The following NEK10 variants were observed in gnomAD, a reference collection of about 807,000 sequenced individuals.
The protein encoded by NEK10 is serine/threonine-protein kinase Nek10.
NEK10 carries 122 observed loss-of-function variants against 159.8 expected under a neutral mutation model. The ratio of observed to expected loss-of-function variants is 0.76; its 90% CI spans 0.66 to 0.89. NEK10 has a LOEUF of 0.89. NEK10 is among the 40% of genes least tolerant of loss of function. The pLI, the probability that NEK10 is intolerant of heterozygous loss-of-function variation, is 0.00. For missense variants in NEK10, 1,342 were observed against 1,323.1 expected, an observed-to-expected ratio of 1.01 and a Z score of -0.22; for synonymous variants, 466 against 457.1, an observed-to-expected ratio of 1.02 and a Z score of -0.25.
intron 32 of NEK10, among the ~76,000 whole-genome samples, chr3:27,130,702 A>T (rs940135854): frequency 2.0e-5 from 3 of 152,224 alleles, no homozygotes; most frequent in African/African-American, 7.2e-5. Context: ...TAATAAGAAT[A>T]AAAAACCAAG....
At position 27,202,432 on chromosome 3, in the gene NEK10, G is replaced by C; in HGVS notation, c.2216C>G (p.Thr739Arg). 6.2e-7 allele frequency: 1 copy of C among 1,607,080 alleles called. No homozygotes were observed. Among genetic ancestry groups the C allele is most frequent in the Non-Finnish European group, 8.5e-7 (1 of 1,175,958 alleles). Residue 739 changes from threonine (T) to arginine (R), a missense_variant, in exon 24 of 36, where the codon ACA becomes AGA. Thr to Arg is a moderately conservative substitution (Grantham distance 71, BLOSUM62 -1). Transcript: ENST00000691995. ...FYSTNMLSLA[T>R]KIVEAVYEPV... ...CTGTCTCCCAGCGTTGCTTACTTTT[G>C]TAGCCAAGGACAGCATGTTAGTGCT...
At chr3:27,203,380 C>T (rs1452070453) in intron 23 of NEK10, among the ~76,000 whole-genome samples, 1 of 152,074 alleles carries the variant, frequency 6.6e-6, no homozygotes, top group African/African-American at 2.4e-5. Flanking sequence ...CAATATCTAC[C>T]ATGTTCACTG....
At chr3:27,120,421 C>G (rs1396735744) in intron 32 of NEK10, among the ~76,000 whole-genome samples, 1 of 151,604 alleles carries the variant, frequency 6.6e-6, no homozygotes, top group Admixed American at 6.6e-5. Flanking sequence ...CCTCCATGCT[C>G]AAGGGATTCT....
intron 6 of NEK10, among the ~76,000 whole-genome samples, 187 bp downstream of exon 6, chr3:27,321,990 G>T (rs944946344): frequency 1.3e-5 from 2 of 152,100 alleles, no homozygotes; most frequent in Non-Finnish European, 2.9e-5. Flanking sequence ...CAAATTTTTG[G>T]TCCCCATTAA....
intron 32 of NEK10, among the ~76,000 whole-genome samples, chr3:27,125,759 T>C (rs1159755671): frequency 6.6e-6 from 1 of 152,092 alleles, no homozygotes; most frequent in African/African-American, 2.4e-5. Flanking sequence ...CTCACACTCA[T>C]CCCCGTTTCT....
At position 27,246,132 on chromosome 3, in the gene NEK10, C is replaced by G. The variant is rs182013390; in HGVS notation, c.2090+10164G>C. Among the ~76,000 whole-genome samples the G allele has an allele frequency of 3.9e-5, 6 of 152,272 alleles. No homozygotes were observed. In the East Asian group the frequency reaches 1.2e-3, roughly 29 times the overall value. On this transcript the variant is annotated intron_variant, in intron 23 of 35. Transcript: ENST00000691995. Reference sequence around the variant, plus strand: ...AATCAATCATCAGAGAGCTTTCTTTCTTGCGTTTTGTGATTCTGAGGAGTT... The same window carrying G: ...AATCAATCATCAGAGAGCTTTCTTTGTTGCGTTTTGTGATTCTGAGGAGTT...
chr3:27,122,785 A>T (rs1441544598), intron 32 of NEK10, among the ~76,000 whole-genome samples: 1 of 152,178 alleles, frequency 6.6e-6, no homozygotes, highest in Non-Finnish European at 1.5e-5. Flanking sequence ...CCTCAAAAAA[A>T]ATTACATGAA....
At chr3:27,204,723 G>A (rs1267484410) in intron 23 of NEK10, among the ~76,000 whole-genome samples, 3 of 138,028 alleles carry the variant, frequency 2.2e-5, no homozygotes, top group Non-Finnish European at 3.2e-5. Context: ...TGGACATTTG[G>A]GTTGGTTCCA....
chr3:27,207,490 C>A (rs1950625995), intron 23 of NEK10, among the ~76,000 whole-genome samples: 3 of 151,998 alleles, frequency 2.0e-5, no homozygotes, highest in Admixed American at 6.6e-5. Flanking sequence ...ATAAAAGAAT[C>A]TCAAGGAGTT....
chr3:27,174,203 T>C (rs546968156), intron 28 of NEK10, among the ~76,000 whole-genome samples: 223 of 152,314 alleles, frequency 1.5e-3, no homozygotes, highest in African/African-American at 5.2e-3. Flanking sequence ...GAACCTGCAA[T>C]TGCTGGTAGA....
chr3:27,202,685 G>T, intron 23 of NEK10, 128 bp from the exon 24 acceptor site: 1 of 1,217,556 alleles, frequency 8.2e-7, no homozygotes, highest in East Asian at 2.8e-5. Context: ...ACTATTTCAG[G>T]AAAGGATATC....
chr3:27,291,828 G>C (rs570817628), intron 16 of NEK10, among the ~76,000 whole-genome samples: 6 of 152,120 alleles, frequency 3.9e-5, no homozygotes, highest in Admixed American at 3.9e-4. Context: ...ATTTTTAGTA[G>C]AGACGGGGTT....
chr3:27,299,121 C>T (rs2043597647), intron 13 of NEK10, among the ~76,000 whole-genome samples: 1 of 152,166 alleles, frequency 6.6e-6, no homozygotes, highest in Non-Finnish European at 1.5e-5. Flanking sequence ...GTGTCAGAGA[C>T]CTTTGTGGCA....
At chr3:27,138,355 C>T (rs1943434513) in intron 31 of NEK10, among the ~76,000 whole-genome samples, 1 of 152,216 alleles carries the variant, frequency 6.6e-6, no homozygotes, top group Admixed American at 6.5e-5. Context: ...CCCAGAGGGA[C>T]ACTTCGCTTC....
At chr3:27,122,695 T>C (rs1467475216) in intron 32 of NEK10, among the ~76,000 whole-genome samples, 2 of 152,166 alleles carry the variant, frequency 1.3e-5, no homozygotes, top group Non-Finnish European at 2.9e-5. Context: ...TCATCCTAAT[T>C]ATAAAAAGCT....
chr3:27,291,832 C>T (rs746877954), intron 16 of NEK10, among the ~76,000 whole-genome samples: 7 of 152,006 alleles, frequency 4.6e-5, no homozygotes, highest in Middle Eastern at 3.4e-3. Context: ...TTAGTAGAGA[C>T]GGGGTTTCAC....
intron 35 of NEK10, 146 bp downstream of exon 35, chr3:27,115,794 T>A: frequency 1.6e-6 from 1 of 631,930 alleles, no homozygotes; most frequent in Non-Finnish European, 2.8e-6. Flanking sequence ...TATAGATGTA[T>A]CTAGTCTAAG....
intron 23 of NEK10, among the ~76,000 whole-genome samples, chr3:27,221,051 T>G (rs1271005134): frequency 6.6e-6 from 1 of 152,168 alleles, no homozygotes; most frequent in Non-Finnish European, 1.5e-5. Flanking sequence ...TATATAAGAA[T>G]TAGAACTATA....
intron 22 of NEK10, among the ~76,000 whole-genome samples, chr3:27,266,512 A>T (rs1424051749): frequency 6.6e-6 from 1 of 152,130 alleles, no homozygotes; most frequent in Non-Finnish European, 1.5e-5. Context: ...TCTCCTAGGC[A>T]TCTCAAAATT....
Sources: allele counts gnomAD v4.1 joint callset (sites outside exome capture counted in the v4.1 genomes callset), GRCh38; gene constraint gnomAD v4.1.1; transcripts MANE v1.5; gene names NCBI Gene and HGNC (gene_info 2026-07-23, HGNC 2026-07-21).